Variants in ZNF423 observed in about 807,000 individuals in gnomAD.
ZNF423 encodes zinc finger protein 423.
Under a neutral mutation model 95.8 loss-of-function variants are expected in ZNF423, and 12 were observed. The observed-to-expected ratio is 0.13, with a 90% CI of 0.08 to 0.20. The LOEUF (loss-of-function observed/expected upper bound fraction) is 0.20, where lower values mean the gene tolerates loss of function less well. Ranked by LOEUF, ZNF423 falls within the 10% of genes least tolerant of loss-of-function variation. The pLI, the probability that ZNF423 is intolerant of heterozygous loss-of-function variation, is 1.00. For synonymous variants in ZNF423, 749 were observed against 711.9 expected (o/e 1.05, Z -0.83); for missense variants, 1,316 against 1,737.1 (o/e 0.76, Z 4.31).
chr16:49,623,210 G>A (rs573450894), intron 5 of ZNF423, among the ~76,000 whole-genome samples: 1 of 152,308 alleles, frequency 6.6e-6, no homozygotes, highest in Non-Finnish European at 1.5e-5. Context: ...ACGTTCCTGG[G>A]CTCCAGGTCA....
Position 49,492,749 on chromosome 16 carries a change from C to T in ZNF423, c.3850-1445G>A, listed in dbSNP as rs1253075368. ...CATGCGTGCTCTGTGCCGTGGCAGG[C>T]ACCGCTCTTTCAATCCTCACAACAG... is the stretch of plus-strand genomic sequence containing the variant. On this transcript the variant is annotated intron_variant, in intron 7 of 7. Transcript: ENST00000563137. The surrounding 1 kb of genome is among the most constrained non-coding windows in gnomAD (Gnocchi z 4.2). Among the ~76,000 whole-genome samples, 1 of 152,208 alleles carries T rather than the reference C, an allele frequency of 6.6e-6. No individual in the cohort carries two copies. Among genetic ancestry groups the T allele is most frequent in the Non-Finnish European group, 1.5e-5 (1 of 68,020 alleles).
At chr16:49,663,965 A>T in intron 3 of ZNF423, 1 of 627,666 alleles carries the variant, frequency 1.6e-6, no homozygotes, top group Non-Finnish European at 2.0e-6. Flanking sequence ...CAAACATTCC[A>T]CTCCCCAACG....
At chr16:49,751,350 C>T (rs1401665548) in intron 2 of ZNF423, among the ~76,000 whole-genome samples, 1 of 152,016 alleles carries the variant, frequency 6.6e-6, no homozygotes, top group Non-Finnish European at 1.5e-5. Flanking sequence ...GCCTCCCAAG[C>T]ACCACCACAC....
In ZNF423 at chr16:49,546,105, G is replaced by C. The variant is rs139373426; in HGVS notation, c.3602-20611C>G. Among the ~76,000 whole-genome samples, 354 of 152,294 alleles carry C rather than the reference G, an allele frequency of 2.3e-3. 4 individuals are homozygous for C. Among genetic ancestry groups the C allele is most frequent in the African/African-American group, 8.3e-3 (343 of 41,568 alleles). ...ATAAGCAGAATGAGAACTGACCTCT[G>C]TCTGCAAGAAGTTTCAGATTTTTAT... is the stretch of plus-strand genomic sequence containing the variant. On this transcript the variant is annotated intron_variant, in intron 5 of 7. Coordinates refer to ENST00000563137, the MANE Select transcript of ZNF423 (RefSeq NM_001379286.1).
At chr16:49,602,067 C>T (rs978006349) in intron 5 of ZNF423, among the ~76,000 whole-genome samples, 8 of 152,266 alleles carry the variant, frequency 5.3e-5, no homozygotes, top group Admixed American at 6.5e-5. Flanking sequence ...GGTGTCATTA[C>T]ATCTCTGAGC....
At chr16:49,770,373 G>A (rs2034010792) in intron 2 of ZNF423, among the ~76,000 whole-genome samples, 1 of 152,184 alleles carries the variant, frequency 6.6e-6, no homozygotes, top group South Asian at 2.1e-4. Context: ...TAGAAGTGCT[G>A]AGAAACTGTC....
chr16:49,661,313 C>A (rs2030215416), intron 3 of ZNF423, among the ~76,000 whole-genome samples: 1 of 151,644 alleles, frequency 6.6e-6, no homozygotes, highest in African/African-American at 2.4e-5. Flanking sequence ...GGATGCCTTT[C>A]TTCACACACC....
chr16:49,697,977 G>T (rs577118384), intron 3 of ZNF423, among the ~76,000 whole-genome samples: 1 of 152,148 alleles, frequency 6.6e-6, no homozygotes, highest in African/African-American at 2.4e-5. Context: ...CCATTACGCC[G>T]CCTTTCCCCA....
chr16:49,514,762 G>A (rs559359205), intron 7 of ZNF423, among the ~76,000 whole-genome samples: 4 of 152,342 alleles, frequency 2.6e-5, no homozygotes, highest in South Asian at 2.1e-4. Flanking sequence ...TTGCCACCGC[G>A]GGCCCGGCTC....
chr16:49,670,728 T>C (rs528494107), intron 3 of ZNF423, among the ~76,000 whole-genome samples: 1 of 152,250 alleles, frequency 6.6e-6, no homozygotes, highest in East Asian at 1.9e-4. Context: ...GCTGCCTCAT[T>C]CTCAGCCAAC....
chr16:49,727,717 C>T (rs750335013), intron 3 of ZNF423, among the ~76,000 whole-genome samples: 3 of 152,296 alleles, frequency 2.0e-5, no homozygotes, highest in Non-Finnish European at 4.4e-5. Context: ...GGGTTGTTCA[C>T]ACCCCAGGTC....
At chr16:49,591,150 C>G (rs1174586489) in intron 5 of ZNF423, among the ~76,000 whole-genome samples, 1 of 152,084 alleles carries the variant, frequency 6.6e-6, no homozygotes, top group Non-Finnish European at 1.5e-5. Flanking sequence ...ATAGTACGGA[C>G]AGTATAAGTC....
At chr16:49,625,387 C>T (rs530769630) in intron 5 of ZNF423, among the ~76,000 whole-genome samples, 1 of 152,192 alleles carries the variant, frequency 6.6e-6, no homozygotes, top group South Asian at 2.1e-4. Flanking sequence ...AAGTTCAACC[C>T]ATGGCTGCAA....
At chr16:49,806,161 C>A (rs2034660060) in intron 1 of ZNF423, among the ~76,000 whole-genome samples, 2 of 152,270 alleles carry the variant, frequency 1.3e-5, no homozygotes, top group Non-Finnish European at 2.9e-5. Context: ...TCGGGGGCAA[C>A]ACTGGGCTCT....
chr16:49,577,258 A>G (rs1191938149), intron 5 of ZNF423, among the ~76,000 whole-genome samples: 2 of 152,200 alleles, frequency 1.3e-5, no homozygotes, highest in African/African-American at 4.8e-5. Context: ...ACATTTATGT[A>G]CTCATTGCTA....
chr16:49,523,986 C>A (rs1337335405), intron 6 of ZNF423, among the ~76,000 whole-genome samples: 1 of 152,146 alleles, frequency 6.6e-6, no homozygotes, highest in Non-Finnish European at 1.5e-5. Flanking sequence ...CATTTCCTCA[C>A]TCAAAAAATG....
intron 5 of ZNF423, among the ~76,000 whole-genome samples, chr16:49,564,159 T>C (rs1743115811): frequency 2.6e-5 from 4 of 152,222 alleles, no homozygotes; most frequent in Admixed American, 2.0e-4. Context: ...AGATTTGCTA[T>C]AGATGTACCA....
Position 49,649,321 on chromosome 16 carries a change from T to C in ZNF423, c.302-10447A>G, listed in dbSNP as rs373020318. Among the ~76,000 whole-genome samples, 363 of 152,230 alleles carry C rather than the reference T, an allele frequency of 2.4e-3. 1 individual carries two copies. The highest frequency in any genetic ancestry group is 6.8e-3 in the Middle Eastern group (2 of 294). ...GTGCTTTCATTTCCCCATCTCTTGATAGAGAGAATCCGACGAACAGGTCTC... is the reference window on the plus strand; with the variant it reads ...GTGCTTTCATTTCCCCATCTCTTGACAGAGAGAATCCGACGAACAGGTCTC... On this transcript the variant is annotated intron_variant, in intron 3 of 7. Transcript: ENST00000563137.
At chr16:49,553,079 A>T (rs890942179) in intron 5 of ZNF423, among the ~76,000 whole-genome samples, 2 of 152,304 alleles carry the variant, frequency 1.3e-5, no homozygotes, top group East Asian at 1.9e-4. Flanking sequence ...ATTTAAAAAA[A>T]ATATCAAACA....
Sources: gnomAD v4.1 joint callset for allele counts (sites outside exome capture counted in the v4.1 genomes callset) on GRCh38, gnomAD v4.1.1 for gene constraint, Gnocchi (gnomAD v3.1) non-coding constraint, MANE v1.5 for transcripts, NCBI Gene and HGNC (gene_info 2026-07-23, HGNC 2026-07-21) for gene names.